Variants in XYLT1 observed in about 807,000 individuals in gnomAD.
XYLT1 encodes xylosyltransferase 1.
XYLT1 carries 36 observed loss-of-function variants against 91.3 expected under a neutral mutation model. The ratio of observed to expected loss-of-function variants is 0.39; its 90% CI spans 0.30 to 0.52. XYLT1 has a LOEUF of 0.52. Ranked by LOEUF, XYLT1 falls within the 20% of genes least tolerant of loss-of-function variation. XYLT1 has a pLI of 0.68. For missense variants in XYLT1, 1,242 were observed against 1,284.5 expected (o/e 0.97, Z 0.51); for synonymous variants, 588 against 532.0 (o/e 1.11, Z -1.45).
intron 11 of XYLT1, among the ~76,000 whole-genome samples, chr16:17,116,758 C>T (rs1966853110): frequency 6.6e-6 from 1 of 152,230 alleles, no homozygotes; most frequent in South Asian, 2.1e-4. Flanking sequence ...CTTCACCCTC[C>T]CACTAGCACT....
intron 10 of XYLT1, among the ~76,000 whole-genome samples, chr16:17,126,918 T>C (rs2030282005): frequency 6.6e-6 from 1 of 152,200 alleles, no homozygotes; most frequent in Non-Finnish European, 1.5e-5. Flanking sequence ...CAGTTCCAGC[T>C]CTCTTGTGAA....
At chr16:17,460,263 A>C (rs985349154) in intron 1 of XYLT1, among the ~76,000 whole-genome samples, 2 of 152,186 alleles carry the variant, frequency 1.3e-5, no homozygotes, top group Non-Finnish European at 2.9e-5. Context: ...ACACAGAGTG[A>C]GGGGCAGATG....
At chr16:17,179,865 A>G (rs980689444) in intron 5 of XYLT1, among the ~76,000 whole-genome samples, 3 of 152,190 alleles carry the variant, frequency 2.0e-5, no homozygotes, top group African/African-American at 7.2e-5. Context: ...AAACATGGAC[A>G]TTTTCAAAGA....
chr16:17,340,856 T>C (rs1166390754), intron 2 of XYLT1, among the ~76,000 whole-genome samples: 1 of 152,152 alleles, frequency 6.6e-6, no homozygotes, highest in Non-Finnish European at 1.5e-5. Context: ...ATCAGAACAT[T>C]AGGACCCAGA....
intron 5 of XYLT1, among the ~76,000 whole-genome samples, chr16:17,187,393 C>CAAAAA (rs71137979): frequency 1.8e-5 from 1 of 55,302 alleles, no homozygotes; most frequent in Non-Finnish European, 3.2e-5. Context: ...GACTCAGTTT[C>CAAAAA]AAAAAAAAAA....
At chr16:17,131,600 T>G (rs910323454) in intron 9 of XYLT1, among the ~76,000 whole-genome samples, 2 of 152,182 alleles carry the variant, frequency 1.3e-5, no homozygotes, top group Non-Finnish European at 2.9e-5. Flanking sequence ...GCTGACATCC[T>G]TATTTCTGGA....
intron 11 of XYLT1, 107 bp downstream of exon 11, chr16:17,117,539 G>A: frequency 8.2e-7 from 1 of 1,216,876 alleles, no homozygotes. Context: ...TGTTCTGTGA[G>A]GCCGCTGCTT....
At position 17,201,128 on chromosome 16, in the gene XYLT1, C is replaced by T. The variant is rs563057181; in HGVS notation, c.914-474G>A. Among the ~76,000 whole-genome samples the T allele has an allele frequency of 3.9e-5, 6 of 152,264 alleles. No individual in the cohort carries two copies. The Middle Eastern group carries it at 0.02, about 518-fold the overall frequency. On this transcript the variant is annotated intron_variant, in intron 3 of 11. Transcript: ENST00000261381. The stretch of plus-strand genomic sequence containing the variant: ...TAAGAACAGATAGCATGAAATCTCC[C>T]CTCTTAATAAATGTTTAAGTGTACA...
chr16:17,232,405 CTGTGTG>C (rs1199361319), intron 3 of XYLT1, among the ~76,000 whole-genome samples: 5 of 119,202 alleles, frequency 4.2e-5, no homozygotes, highest in Non-Finnish European at 6.7e-5. Flanking sequence ...GTGTCTGTGT[CTGTGTG>C]TGTGTGTGTG....
chr16:17,316,398 TA>T (rs1362887381), intron 2 of XYLT1, among the ~76,000 whole-genome samples: 3 of 152,094 alleles, frequency 2.0e-5, no homozygotes, highest in African/African-American at 7.2e-5. Flanking sequence ...GCTTTTTATT[TA>T]TTTATTTATT....
chr16:17,194,874 G>C (rs1489447584), intron 5 of XYLT1, among the ~76,000 whole-genome samples: 1 of 152,236 alleles, frequency 6.6e-6, no homozygotes, highest in East Asian at 1.9e-4. Flanking sequence ...GCTATGCTCA[G>C]CATTTTGGGA....
intron 1 of XYLT1, among the ~76,000 whole-genome samples, chr16:17,440,020 T>G (rs1358756540): frequency 6.6e-6 from 1 of 152,248 alleles, no homozygotes; most frequent in Non-Finnish European, 1.5e-5. Context: ...CTCTCCCATA[T>G]TCTCTCTTAG....
At chr16:17,162,197 C>G (rs2031571673) in intron 5 of XYLT1, among the ~76,000 whole-genome samples, 1 of 152,090 alleles carries the variant, frequency 6.6e-6, no homozygotes, top group South Asian at 2.1e-4. Flanking sequence ...CACTTGAGGT[C>G]AGGAGTTTGA....
Position 17,138,674 on chromosome 16 carries a change from G to A in XYLT1, c.1588-143C>T, listed in dbSNP as rs572841866. On this transcript the variant is annotated intron_variant, in intron 7 of 11. Transcript: ENST00000261381. ...TGTGGCATCTCATCAGAAGCTGGGC[G>A]GCTTCCTGTACAGCTTGCAGAACTG... 454 of 933,414 alleles carry A rather than the reference G, an allele frequency of 4.9e-4. 2 individuals carry two copies. Among genetic ancestry groups the A allele is most frequent in the African/African-American group, 1.6e-3 (94 of 60,478 alleles). The allele number at this position is 933,414 out of a possible 1,614,324, so 57.8% of individuals were successfully genotyped here.
intron 1 of XYLT1, among the ~76,000 whole-genome samples, chr16:17,425,171 C>T (rs963386964): frequency 2.0e-5 from 3 of 152,142 alleles, no homozygotes; most frequent in African/African-American, 7.2e-5. Context: ...TGAAGCACCT[C>T]GTAAACAGCA....
At chr16:17,346,150 A>T (rs1226191670) in intron 2 of XYLT1, among the ~76,000 whole-genome samples, 1 of 152,082 alleles carries the variant, frequency 6.6e-6, no homozygotes, top group Non-Finnish European at 1.5e-5. Flanking sequence ...GCACAAAGGG[A>T]TCGCTGGCGT....
chr16:17,460,903 TG>T (rs2141959469), intron 1 of XYLT1, among the ~76,000 whole-genome samples: 2 of 152,316 alleles, frequency 1.3e-5, no homozygotes, highest in South Asian at 4.1e-4. Flanking sequence ...ACGATGTGGC[TG>T]CATCAGGTGG....
At chr16:17,342,717 G>A (rs1390375188) in intron 2 of XYLT1, among the ~76,000 whole-genome samples, 1 of 148,918 alleles carries the variant, frequency 6.7e-6, no homozygotes, top group Admixed American at 6.6e-5. Context: ...GAGAGACCCT[G>A]TCTCAAAAAA....
chr16:17,231,967 G>A (rs1056918767), intron 3 of XYLT1, among the ~76,000 whole-genome samples: 3 of 150,998 alleles, frequency 2.0e-5, no homozygotes, highest in Non-Finnish European at 2.9e-5. Flanking sequence ...AAACTATGAT[G>A]TTATGACTAC....
Sources: gnomAD v4.1 joint callset for allele counts (sites outside exome capture counted in the v4.1 genomes callset) on GRCh38, gnomAD v4.1.1 for gene constraint, MANE v1.5 for transcripts, NCBI Gene and HGNC (gene_info 2026-07-23, HGNC 2026-07-21) for gene names.